Variants in TMTC2 observed in about 807,000 individuals in gnomAD.
The protein encoded by TMTC2 is transmembrane O-mannosyltransferase targeting cadherins 2.
Under a neutral mutation model 82.4 loss-of-function variants are expected in TMTC2, and 43 were observed. The ratio of observed to expected loss-of-function variants is 0.52; its 90% CI spans 0.41 to 0.67. TMTC2 has a LOEUF of 0.67. Among genes scored for constraint, TMTC2 ranks in the 30% least tolerant of loss-of-function variants. The probability of loss-of-function intolerance (pLI) is 0.00; values close to 1 mark genes in which losing one functional copy is unlikely to be tolerated. For synonymous variants in TMTC2, 408 were observed against 381.9 expected (o/e 1.07, Z -0.80); for missense variants, 919 against 1,012.4 (o/e 0.91, Z 1.25).
intron 11 of TMTC2, among the ~76,000 whole-genome samples, chr12:83,091,110 A>C (rs1213780021): frequency 6.6e-6 from 1 of 152,118 alleles, no homozygotes; most frequent in African/African-American, 2.4e-5. Flanking sequence ...CTTTGCCCTC[A>C]CTTCATGCTG....
rs141899045 is a variant in TMTC2, at chr12:83,027,405, C to T, written c.2071-3393C>T. On this transcript the variant is annotated intron_variant, in intron 8 of 11. Transcript: ENST00000321196. The stretch of plus-strand genomic sequence containing the variant: ...TTATTTACAGCAAGTCATCACTTAA[C>T]GTAGTTGATAGATTATTGGATGCTG... 6.0e-3 allele frequency among the ~76,000 whole-genome samples: 914 copies of T among 152,198 alleles called. 15 individuals carry two copies. Among genetic ancestry groups the T allele is most frequent in the African/African-American group, 0.021 (869 of 41,516 alleles).
intron 7 of TMTC2, among the ~76,000 whole-genome samples, chr12:82,976,610 A>T (rs1019792747): frequency 7.9e-5 from 12 of 152,044 alleles, no homozygotes; most frequent in African/African-American, 2.7e-4. Context: ...AGGATTTCCA[A>T]TCAGAAGCAA....
intron 11 of TMTC2, among the ~76,000 whole-genome samples, chr12:83,114,103 G>A (rs1174400314): frequency 6.6e-6 from 1 of 152,082 alleles, no homozygotes; most frequent in Non-Finnish European, 1.5e-5. Flanking sequence ...AATGTCTCAC[G>A]CATCTGCTAT....
intron 1 of TMTC2, among the ~76,000 whole-genome samples, chr12:82,838,455 G>C (rs1475959748): frequency 6.6e-6 from 1 of 152,216 alleles, no homozygotes; most frequent in African/African-American, 2.4e-5. Context: ...AGCATGTGGA[G>C]CCCATTAAGC....
intron 2 of TMTC2, among the ~76,000 whole-genome samples, chr12:82,879,797 ACT>A (rs1368513543): frequency 6.6e-6 from 1 of 152,144 alleles, no homozygotes; most frequent in Non-Finnish European, 1.5e-5. Flanking sequence ...CATGTAAGAC[ACT>A]CTGTAAAATG....
Position 83,050,916 on chromosome 12 carries a change from TG to T in TMTC2, c.2167del (p.Glu723LysfsTer6). ...TTATACTTTTCAGGTCAGTTTCTTCTGGAAGAAGCTCGTCTCATAGAAGCAG... is the reference window on the plus strand; with the variant it reads ...TTATACTTTTCAGGTCAGTTTCTTCTGAAGAAGCTCGTCTCATAGAAGCAG... ...NCYMHYGQFL[L>X]EEARLIEAAE... On this transcript the variant is annotated frameshift_variant, in exon 10 of 12. Transcript: ENST00000321196. LOFTEE classifies it high-confidence loss of function. 1 of 1,612,624 alleles carries T rather than the reference TG, an allele frequency of 6.2e-7. No individual in the cohort carries two copies. The highest frequency in any genetic ancestry group is 8.5e-7 in the Non-Finnish European group (1 of 1,179,198).
intron 1 of TMTC2, among the ~76,000 whole-genome samples, chr12:82,696,311 G>T (rs1872785303): frequency 1.3e-5 from 2 of 152,022 alleles, no homozygotes; most frequent in African/African-American, 4.8e-5. Flanking sequence ...AAATAGGAAG[G>T]TTATTCTTGT....
At chr12:83,074,826 C>T (rs1038252169) in intron 11 of TMTC2, among the ~76,000 whole-genome samples, 7 of 152,246 alleles carry the variant, frequency 4.6e-5, no homozygotes, top group East Asian at 3.9e-4. Context: ...GTTCTTCCCC[C>T]GCCTTTGGAG....
chr12:83,116,971 C>G (rs7960222), intron 11 of TMTC2, among the ~76,000 whole-genome samples: 32,270 of 152,034 alleles, frequency 0.21, 3,487 homozygotes, highest in Middle Eastern at 0.33. Flanking sequence ...ATTGTGTTTG[C>G]TTTTGGGCTC....
Position 82,857,325 on chromosome 12 carries a change from G to A in TMTC2, c.399G>A (p.Val133=), listed in dbSNP as rs1592578998. 1 of 1,614,150 alleles carries A rather than the reference G, an allele frequency of 6.2e-7. No individual in the cohort carries two copies. The highest frequency in any genetic ancestry group is 1.1e-5 in the South Asian group (1 of 91,082). ...FASHPIHTEA[V]AGIVGRADVG... is the part of the protein sequence containing the mutation. Reference sequence around the variant, plus strand: ...CTCACCCCATTCACACGGAGGCAGTGGCAGGAATCGTGGGACGAGCCGATG... The same window carrying A: ...CTCACCCCATTCACACGGAGGCAGTAGCAGGAATCGTGGGACGAGCCGATG... The change falls in exon 2 of 12, where the codon GTG becomes GTA. Residue 133 remains valine (V), a synonymous_variant. Coordinates refer to ENST00000321196, the MANE Select transcript of TMTC2 (RefSeq NM_152588.3).
At chr12:83,098,396 T>A (rs1884103293) in intron 11 of TMTC2, among the ~76,000 whole-genome samples, 1 of 152,216 alleles carries the variant, frequency 6.6e-6, no homozygotes, top group Non-Finnish European at 1.5e-5. Context: ...TTCCTCTTCA[T>A]CTCTCTTTTC....
At chr12:83,085,428 C>T (rs1325854935) in intron 11 of TMTC2, among the ~76,000 whole-genome samples, 1 of 152,170 alleles carries the variant, frequency 6.6e-6, no homozygotes, top group Non-Finnish European at 1.5e-5. Context: ...CATTTTACAT[C>T]CAAGATTTTT....
intron 11 of TMTC2, among the ~76,000 whole-genome samples, chr12:83,109,531 C>T (rs1884529936): frequency 6.6e-6 from 1 of 152,190 alleles, no homozygotes; most frequent in Admixed American, 6.5e-5. Flanking sequence ...TTCTCTTCTG[C>T]AACACCTCTG....
intron 2 of TMTC2, among the ~76,000 whole-genome samples, chr12:82,871,080 C>T (rs1370997753): frequency 2.0e-5 from 3 of 152,184 alleles, no homozygotes; most frequent in Non-Finnish European, 4.4e-5. Context: ...GTAATGAGAA[C>T]CACCATTTAT....
chr12:82,755,952 G>A (rs1305227819), intron 1 of TMTC2, among the ~76,000 whole-genome samples: 9 of 152,040 alleles, frequency 5.9e-5, no homozygotes, highest in Non-Finnish European at 8.8e-5. Context: ...CCTGATATTT[G>A]TGCTCAAAGG....
chr12:82,912,083 T>C (rs1404773940), intron 3 of TMTC2, among the ~76,000 whole-genome samples: 3 of 152,230 alleles, frequency 2.0e-5, no homozygotes, highest in Non-Finnish European at 2.9e-5. Context: ...AACAGCATAA[T>C]TCAGTTCCTT....
chr12:82,726,656 A>G (rs554553919), intron 1 of TMTC2, among the ~76,000 whole-genome samples: 3 of 152,144 alleles, frequency 2.0e-5, no homozygotes, highest in Non-Finnish European at 4.4e-5. Flanking sequence ...CAAGGTGGGC[A>G]GATCACAAGG....
At chr12:83,000,140 A>G (rs1468648067) in intron 8 of TMTC2, among the ~76,000 whole-genome samples, 1 of 57,566 alleles carries the variant, frequency 1.7e-5, no homozygotes, top group Admixed American at 2.3e-4. Context: ...GGGGGCAGTC[A>G]ATTTTTTTTT....
At chr12:82,806,096 G>A (rs755283826) in intron 1 of TMTC2, among the ~76,000 whole-genome samples, 17 of 152,150 alleles carry the variant, frequency 1.1e-4, no homozygotes, top group Non-Finnish European at 2.5e-4. Context: ...GAAGCATCTA[G>A]AGGGGAGGGA....
Sources: allele counts gnomAD v4.1 joint callset (sites outside exome capture counted in the v4.1 genomes callset), GRCh38; gene constraint gnomAD v4.1.1; transcripts MANE v1.5; gene names NCBI Gene and HGNC (gene_info 2026-07-23, HGNC 2026-07-21).